The following NECAB1 variants were observed in gnomAD, a reference collection of about 807,000 sequenced individuals.
NECAB1 encodes the protein N-terminal EF-hand calcium binding protein 1.
NECAB1 carries 29 observed loss-of-function variants against 57.5 expected under a neutral mutation model. That is an observed-to-expected ratio of 0.50 (90% CI 0.38 to 0.69). The LOEUF (loss-of-function observed/expected upper bound fraction) is 0.69, where lower values mean the gene tolerates loss of function less well. Ranked by LOEUF, NECAB1 falls within the 30% of genes least tolerant of loss-of-function variation. NECAB1 has a pLI of 0.00. For missense variants in NECAB1, 372 were observed against 413.8 expected (o/e 0.90, Z 0.88); for synonymous variants, 142 against 147.7 (o/e 0.96, Z 0.28).
At chr8:90,793,297 G>T (rs1477607127) in intron 1 of NECAB1, among the ~76,000 whole-genome samples, 1 of 152,166 alleles carries the variant, frequency 6.6e-6, no homozygotes, top group African/African-American at 2.4e-5. Flanking sequence ...AATGATAGAA[G>T]TGAGGTTCAA....
intron 4 of NECAB1, among the ~76,000 whole-genome samples, chr8:90,875,861 A>AAAAAAAAAAAAAAAAAG (rs60462051): frequency 6.8e-3 from 1 of 146 alleles, no homozygotes; most frequent in Non-Finnish European, 0.022. Flanking sequence ...AAAAAAAAAA[A>AAAAAAAAAAAAAAAAAG]TTACCGGGCG....
intron 9 of NECAB1, among the ~76,000 whole-genome samples, chr8:90,940,027 G>A (rs1306035268): frequency 6.6e-6 from 1 of 152,220 alleles, no homozygotes; most frequent in African/African-American, 2.4e-5. Flanking sequence ...TTCTTGAAAA[G>A]AACTAATGTT....
chr8:90,946,309 T>C (rs1218291637), intron 10 of NECAB1, among the ~76,000 whole-genome samples: 5 of 152,222 alleles, frequency 3.3e-5, no homozygotes, highest in African/African-American at 1.2e-4. Context: ...CCTAACTCTT[T>C]GTCAGAGTGC....
intron 5 of NECAB1, among the ~76,000 whole-genome samples, chr8:90,896,518 T>C (rs1199928886): frequency 2.6e-5 from 4 of 151,708 alleles, no homozygotes; most frequent in Admixed American, 1.3e-4. Flanking sequence ...GGCAGAAGAA[T>C]GGCGGGAACC....
intron 11 of NECAB1, among the ~76,000 whole-genome samples, chr8:90,950,486 G>C (rs191786828): frequency 2.6e-5 from 4 of 152,288 alleles, no homozygotes; most frequent in Non-Finnish European, 5.9e-5. Flanking sequence ...TCTTCTGAGA[G>C]TATATAACAA....
chr8:90,871,734 T>C (rs1808625468), intron 3 of NECAB1, among the ~76,000 whole-genome samples: 1 of 152,150 alleles, frequency 6.6e-6, no homozygotes, highest in South Asian at 2.1e-4. Context: ...GAACCAGAAA[T>C]TTTTATTACT....
At chr8:90,895,099 AG>A (rs1488501625) in intron 5 of NECAB1, among the ~76,000 whole-genome samples, 8 of 152,352 alleles carry the variant, frequency 5.3e-5, no homozygotes, top group South Asian at 4.1e-4. Context: ...GATTGCATAG[AG>A]GCACAAATGT....
At chr8:90,916,198 C>G (rs1477316007) in intron 5 of NECAB1, among the ~76,000 whole-genome samples, 1 of 152,170 alleles carries the variant, frequency 6.6e-6, no homozygotes, top group Non-Finnish European at 1.5e-5. Flanking sequence ...ATGATTGAAA[C>G]TTTTTACTAT....
intron 2 of NECAB1, among the ~76,000 whole-genome samples, chr8:90,819,042 A>C (rs765875970): frequency 1.5e-4 from 23 of 151,892 alleles, no homozygotes; most frequent in African/African-American, 4.8e-5. Context: ...CTATTGACCT[A>C]TCCTCAAGTT....
chr8:90,900,599 GTTCT>G (rs1809478289), intron 5 of NECAB1, among the ~76,000 whole-genome samples: 1 of 152,182 alleles, frequency 6.6e-6, no homozygotes, highest in African/African-American at 2.4e-5. Context: ...GGTAGAATTA[GTTCT>G]TTCCCTTCCA....
intron 10 of NECAB1, among the ~76,000 whole-genome samples, chr8:90,942,587 T>G (rs376752224): frequency 1.3e-5 from 2 of 152,146 alleles, no homozygotes; most frequent in African/African-American, 4.8e-5. Flanking sequence ...GAAAATAAAA[T>G]TGAATATTTA....
rs759283629 is a variant in NECAB1, at chr8:90,925,597, G to A, written c.557G>A (p.Arg186Gln). Residue 186 changes from arginine (R) to glutamine (Q), a missense_variant, in exon 7 of 13, where the codon CGA (arginine) becomes CAA (glutamine). Coordinates refer to ENST00000417640, the MANE Select transcript of NECAB1 (RefSeq NM_022351.5). ...IQWPGKRSSRRVQRHNSFSPN... is the reference protein window; with the variant it reads ...IQWPGKRSSRQVQRHNSFSPN... Reference sequence around the variant, plus strand: ...TGGCCTGGAAAACGATCAAGCCGCCGAGTCCAGAGACACAACAGCTTCTCC... The same window carrying A: ...TGGCCTGGAAAACGATCAAGCCGCCAAGTCCAGAGACACAACAGCTTCTCC... 2.4e-5 allele frequency: 39 copies of A among 1,613,496 alleles called. No individual in the cohort carries two copies. Among genetic ancestry groups the A allele is most frequent in the Non-Finnish European group, 3.1e-5 (37 of 1,179,776 alleles).
chr8:90,937,064 C>T (rs1018845166), intron 9 of NECAB1, among the ~76,000 whole-genome samples: 1 of 152,098 alleles, frequency 6.6e-6, no homozygotes, highest in Non-Finnish European at 1.5e-5. Flanking sequence ...AAAAAGAGGA[C>T]AGGATGGTGG....
At chr8:90,897,262 CT>C (rs1427702362) in intron 5 of NECAB1, among the ~76,000 whole-genome samples, 1 of 152,144 alleles carries the variant, frequency 6.6e-6, no homozygotes, top group Admixed American at 6.5e-5. Flanking sequence ...CCAAAAGCTT[CT>C]GAAAATGGAA....
At chr8:90,851,520 CT>C (rs375593602) in intron 3 of NECAB1, among the ~76,000 whole-genome samples, 1 of 152,032 alleles carries the variant, frequency 6.6e-6, no homozygotes, top group African/African-American at 2.4e-5. Context: ...TGGAGAATTG[CT>C]TGATGTAAGG....
At chr8:90,846,525 TTTC>T (rs1812561696) in intron 3 of NECAB1, among the ~76,000 whole-genome samples, 2 of 152,232 alleles carry the variant, frequency 1.3e-5, no homozygotes, top group African/African-American at 4.8e-5. Flanking sequence ...GTTTTAGAGT[TTTC>T]TTATTGTAAG....
chr8:90,861,938 G>A (rs529597029), intron 3 of NECAB1, among the ~76,000 whole-genome samples: 14 of 152,272 alleles, frequency 9.2e-5, no homozygotes, highest in African/African-American at 2.2e-4. Flanking sequence ...ATCTAATAGC[G>A]ATGAATGGAG....
At chr8:90,952,384 C>A (rs945628846) in intron 12 of NECAB1, among the ~76,000 whole-genome samples, 2 of 152,066 alleles carry the variant, frequency 1.3e-5, no homozygotes, top group Non-Finnish European at 2.9e-5. Flanking sequence ...GGGGAGATGC[C>A]TTTCTTTAAG....
intron 12 of NECAB1, 23 bp downstream of exon 12, chr8:90,951,227 G>A: frequency 7.2e-7 from 1 of 1,390,426 alleles, no homozygotes; most frequent in Non-Finnish European, 1.0e-6. Context: ...GGTTTACAAT[G>A]CTTCTGTGTC....
Sources: gnomAD v4.1 joint callset for allele counts (sites outside exome capture counted in the v4.1 genomes callset) on GRCh38, gnomAD v4.1.1 for gene constraint, MANE v1.5 for transcripts, NCBI Gene and HGNC (gene_info 2026-07-23, HGNC 2026-07-21) for gene names.